SNRNP40: variants seen among roughly 807,000 people sequenced by gnomAD.
SNRNP40 encodes the protein U5 small nuclear ribonucleoprotein 40 kDa protein.
In SNRNP40, 21 loss-of-function variants were observed where a neutral mutation model predicts 45.8. That is an observed-to-expected ratio of 0.46 (90% CI 0.32 to 0.66). SNRNP40 has a LOEUF of 0.66. Among genes scored for constraint, SNRNP40 ranks in the 30% least tolerant of loss-of-function variants. SNRNP40 has a pLI of 0.03. For synonymous variants in SNRNP40, 142 were observed against 163.8 expected (o/e 0.87, Z 1.01); for missense variants, 344 against 439.1 (o/e 0.78, Z 1.94).
chr1:31,291,597 C>T (rs1427750953), intron 3 of SNRNP40, among the ~76,000 whole-genome samples: 1 of 151,806 alleles, frequency 6.6e-6, no homozygotes, highest in Non-Finnish European at 1.5e-5. Context: ...GAGGATCCCT[C>T]GAGCAAGAGG....
intron 5 of SNRNP40, among the ~76,000 whole-genome samples, chr1:31,273,333 G>A (rs1041720344): frequency 6.6e-6 from 1 of 152,038 alleles, no homozygotes. Flanking sequence ...GGCCAAAAAA[G>A]TATCCAGGAT....
At chr1:31,277,613 C>T (rs572737493) in intron 5 of SNRNP40, among the ~76,000 whole-genome samples, 12 of 152,126 alleles carry the variant, frequency 7.9e-5, no homozygotes, top group Admixed American at 7.2e-4. Context: ...GTGCTGGGTG[C>T]ACTTCTAATT....
In SNRNP40 at chr1:31,262,536, AAAAAAAAAGAG is replaced by A. The variant is rs1474532956; in HGVS notation, c.921-915_921-905del. On this transcript the variant is annotated intron_variant, in intron 8 of 9. Transcript: ENST00000263694. ...ACTCCATCTCCAAAAAAAAAAAAAA[AAAAAAAAAGAG>A]GAGAAAAAAGAAATCAGCTTCTCTA... is the stretch of plus-strand genomic sequence containing the variant. Among the ~76,000 whole-genome samples the A allele has an allele frequency of 7.0e-5, 7 of 99,988 alleles. No homozygotes were observed. In the South Asian group the frequency reaches 1.0e-3, roughly 15 times the overall value. 65.6% of individuals were successfully genotyped at this position (99,988 alleles called of 152,430 possible). A position where few individuals can be genotyped will look rare whatever the true frequency, so the allele number is the denominator to read the frequency against.
chr1:31,284,403 G>T lies in SNRNP40; in HGVS notation c.532-2907C>A, dbSNP rs374025723. Among the ~76,000 whole-genome samples the T allele has an allele frequency of 1.3e-4, 20 of 152,308 alleles. No individual in the cohort carries two copies. The East Asian group carries it at 2.1e-3, about 16-fold the overall frequency. On this transcript the variant is annotated intron_variant, in intron 4 of 9. Transcript: ENST00000263694. ...GACCTCAGGTGATCCACCCACCTTG[G>T]CCTCCCAAAGTGGTGGGATTACAGG...
chr1:31,279,937 T>C (rs1569656117), intron 5 of SNRNP40, among the ~76,000 whole-genome samples: 1 of 149,228 alleles, frequency 6.7e-6, no homozygotes, highest in Non-Finnish European at 1.5e-5. Flanking sequence ...TGAAACCCTG[T>C]CTCTACTAAA....
chr1:31,295,876 G>A (rs950340414), intron 1 of SNRNP40, among the ~76,000 whole-genome samples: 2 of 152,332 alleles, frequency 1.3e-5, no homozygotes, highest in South Asian at 4.1e-4. Context: ...CCTATTTTGA[G>A]GACGGTGCCA....
chr1:31,278,664 G>A (rs1401551250), intron 5 of SNRNP40, among the ~76,000 whole-genome samples: 3 of 152,106 alleles, frequency 2.0e-5, no homozygotes, highest in Non-Finnish European at 4.4e-5. Context: ...GATGGAAAAG[G>A]GATGGGAAGT....
chr1:31,289,205 T>C (rs1646084508), intron 4 of SNRNP40, 49 bp downstream of exon 4: 11 of 1,580,080 alleles, frequency 7.0e-6, no homozygotes, highest in African/African-American at 6.7e-5. Flanking sequence ...CAAGATAAGG[T>C]TCACATCACA....
rs755685515 is a variant in SNRNP40 at position 31,267,935 on chromosome 1, A to G, written c.859-3T>C. 1.9e-6 allele frequency: 3 copies of G among 1,608,944 alleles called. No homozygotes were observed. The highest frequency in any genetic ancestry group is 8.5e-7 in the Non-Finnish European group (1 of 1,175,506). Reference sequence around the variant, plus strand: ...GACCAAGAACATCTCAGAAGGTTCTATGATAAACAAGAATCCACTGAATAG... The same window carrying G: ...GACCAAGAACATCTCAGAAGGTTCTGTGATAAACAAGAATCCACTGAATAG... On this transcript the variant is annotated splice_region_variant and splice_polypyrimidine_tract_variant and intron_variant, in intron 7 of 9. Coordinates refer to ENST00000263694, the MANE Select transcript of SNRNP40 (RefSeq NM_004814.3).
At chr1:31,280,660 C>A (rs902265168) in intron 5 of SNRNP40, among the ~76,000 whole-genome samples, 1 of 152,090 alleles carries the variant, frequency 6.6e-6, no homozygotes, top group Non-Finnish European at 1.5e-5. Flanking sequence ...GCTGTGCAGG[C>A]CCAAAATAAT....
chr1:31,264,389 G>A (rs1280996873), intron 8 of SNRNP40, among the ~76,000 whole-genome samples: 1 of 152,114 alleles, frequency 6.6e-6, no homozygotes, highest in Non-Finnish European at 1.5e-5. Flanking sequence ...TCAATAAAGG[G>A]CAGTATGGCA....
Position 31,296,727 on chromosome 1 carries a change from C to T in SNRNP40, c.25G>A (p.Gly9Ser), listed in dbSNP as rs1646165724. Reference sequence around the variant, plus strand: ...ACTGGAACCAGCGGCAACTCTGGGCCCTTACGCTTCTGCTGTTCTATCATG... The same window carrying T: ...ACTGGAACCAGCGGCAACTCTGGGCTCTTACGCTTCTGCTGTTCTATCATG... MIEQQKRK[G>S]PELPLVPVKR... Residue 9 changes from glycine to serine, a missense_variant, in exon 1 of 10, where the codon GGC becomes AGC. Gly to Ser is a moderately conservative substitution (Grantham distance 56). Transcript: ENST00000263694. 1 of 1,612,180 alleles carries T rather than the reference C, an allele frequency of 6.2e-7. No individual in the cohort carries two copies. The highest frequency in any genetic ancestry group is 8.5e-7 in the Non-Finnish European group (1 of 1,179,274).
At chr1:31,281,261 T>C (rs1646014725) in intron 5 of SNRNP40, 113 bp downstream of exon 5, 2 of 810,568 alleles carry the variant, frequency 2.5e-6, no homozygotes, top group African/African-American at 1.7e-5. Context: ...AAGTTACTAT[T>C]TTCCTTTCAG....
At position 31,296,625 on chromosome 1, in the gene SNRNP40, C is replaced by G. The variant is rs758693232; in HGVS notation, c.127G>C (p.Ala43Pro). ...TCTTCACTTACCGCTTGCAGCAAGG[C>G]TCCCGGCGTCGCCTGCTGCTGCCCG... ...GAGQQQATPG[A>P]LLQAGPPRCS... Residue 43 changes from alanine (A) to proline (P), a missense_variant, in exon 1 of 10, where the codon GCC becomes CCC. By Grantham distance (27) the Ala-to-Pro change is conservative. This residue lies in a region of SNRNP40 where 90 missense variants were observed against 58.9 expected (regional missense o/e 1.53). Coordinates refer to ENST00000263694, the MANE Select transcript of SNRNP40 (RefSeq NM_004814.3). The G allele has an allele frequency of 2.5e-6, 4 of 1,611,720 alleles. No homozygotes were observed. In the Admixed American group the frequency reaches 6.7e-5, roughly 27 times the overall value.
intron 6 of SNRNP40, chr1:31,271,136 G>C (rs1430209497): frequency 7.8e-6 from 3 of 384,914 alleles, no homozygotes. Context: ...CCAGAGCTGA[G>C]ATGGGTCTTA....
At position 31,271,392 on chromosome 1, in the gene SNRNP40, T is replaced by A; in HGVS notation, c.762A>T (p.Ala254=). 1 of 1,612,888 alleles carries A rather than the reference T, an allele frequency of 6.2e-7. No homozygotes were observed. The highest frequency in any genetic ancestry group is 8.5e-7 in the Non-Finnish European group (1 of 1,179,762). The part of the protein sequence containing the change: ...SSEGSYLLSN[A]MDNTVRVWDV... ...TTCCAAAGTTACCTGTATTGTCCAT[T>A]GCATTGGACAAAAGATAAGAGCCTT... Residue 254 remains alanine (A), a synonymous_variant, in exon 6 of 10, where the codon GCA becomes GCT. Transcript: ENST00000263694.
intron 7 of SNRNP40, among the ~76,000 whole-genome samples, chr1:31,268,905 G>A (rs769023342): frequency 1.3e-5 from 2 of 152,198 alleles, no homozygotes; most frequent in Non-Finnish European, 2.9e-5. Context: ...GGAGTCTCTT[G>A]TTGAGGCTGG....
chr1:31,281,520 T>C (rs7513215), intron 4 of SNRNP40, 24 bp from the exon 5 acceptor site: 218,460 of 1,578,050 alleles, frequency 0.14, 16,335 homozygotes, highest in African/African-American at 0.17. Context: ...CAAGACAGTC[T>C]ATCAGCAACA....
At chr1:31,291,851 A>C in intron 3 of SNRNP40, 62 bp downstream of exon 3, 1 of 1,166,634 alleles carries the variant, frequency 8.6e-7, no homozygotes, top group Non-Finnish European at 1.3e-6. Flanking sequence ...GAAAGGATGA[A>C]AGGTGAAAGG....
Sources: allele counts gnomAD v4.1 joint callset (sites outside exome capture counted in the v4.1 genomes callset), GRCh38; gene constraint gnomAD v4.1.1; regional missense constraint gnomAD v4.1.1; transcripts MANE v1.5; gene names NCBI Gene and HGNC (gene_info 2026-07-23, HGNC 2026-07-21).